The following ATP10B variants were observed in gnomAD, a reference collection of about 807,000 sequenced individuals.
ATP10B encodes the protein ATPase phospholipid transporting 10B (putative), also known as phospholipid-transporting ATPase VB.
ATP10B carries 122 observed loss-of-function variants against 141.2 expected under a neutral mutation model. The ratio of observed to expected loss-of-function variants is 0.86; its 90% CI spans 0.75 to 1.00. The LOEUF is 1.00. ATP10B is among the 50% of genes least tolerant of loss of function. ATP10B has a pLI of 0.00. For missense variants in ATP10B, 1,876 were observed against 1,825.3 expected, an observed-to-expected ratio of 1.03 and a Z score of -0.51; for synonymous variants, 685 against 692.0, an observed-to-expected ratio of 0.99 and a Z score of 0.16.
At chr5:160,829,773 A>G (rs1019865325) in intron 1 of ATP10B, among the ~76,000 whole-genome samples, 1 of 152,132 alleles carries the variant, frequency 6.6e-6, no homozygotes, top group Non-Finnish European at 1.5e-5. Context: ...TAATGTATAG[A>G]AACGCTACTG....
intron 1 of ATP10B, among the ~76,000 whole-genome samples, chr5:160,827,000 C>G (rs1320354400): frequency 6.6e-6 from 1 of 152,174 alleles, no homozygotes; most frequent in Non-Finnish European, 1.5e-5. Context: ...GCCTTTTGCC[C>G]TGGTCCTGTT....
chr5:160,683,270 C>A (rs115865229), intron 6 of ATP10B, among the ~76,000 whole-genome samples: 2,443 of 152,054 alleles, frequency 0.016, 60 homozygotes, highest in African/African-American at 0.056. Context: ...AAAAATTATC[C>A]TTCAGATTAA....
Position 160,632,276 on chromosome 5 carries a change from C to T in ATP10B, c.1473G>A (p.Gln491=), listed in dbSNP as rs1330339211. The T allele has an allele frequency of 3.1e-6, 5 of 1,614,092 alleles. No individual in the cohort carries two copies. The highest frequency in any genetic ancestry group is 3.4e-6 in the Non-Finnish European group (4 of 1,180,036). Residue 491 remains glutamine (Q), a synonymous_variant, in exon 13 of 26, where the codon CAG becomes CAA. Transcript: ENST00000327245. Reference sequence around the variant, plus strand: ...TTTGGCTTCTCATAGTTGCTGGATCCTGGGCCCATCTAGCCGAGAAGGACA... The same window carrying T: ...TTTGGCTTCTCATAGTTGCTGGATCTTGGGCCCATCTAGCCGAGAAGGACA... ...QCLSFSARWA[Q]DPATMRSQKG... is the part of the protein sequence containing the mutation.
chr5:160,585,589 G>A (rs754850481), intron 24 of ATP10B, among the ~76,000 whole-genome samples: 20 of 152,218 alleles, frequency 1.3e-4, no homozygotes, highest in South Asian at 4.1e-4. Context: ...ATGACAGAGC[G>A]AGACTTCATC....
intron 1 of ATP10B, among the ~76,000 whole-genome samples, chr5:160,841,711 G>A (rs1228279420): frequency 6.6e-6 from 1 of 151,914 alleles, no homozygotes; most frequent in Non-Finnish European, 1.5e-5. Flanking sequence ...TTTTACATAG[G>A]ATTTCTTTTT....
the ATP10B span, among the ~76,000 whole-genome samples, chr5:160,922,562 T>G: frequency 6.6e-6 from 1 of 152,214 alleles, no homozygotes; most frequent in African/African-American, 2.4e-5. Context: ...AGAGAAATAC[T>G]GAGATGTCAA....
chr5:160,624,755 C>T (rs1320244083), intron 13 of ATP10B, among the ~76,000 whole-genome samples: 1 of 152,188 alleles, frequency 6.6e-6, no homozygotes, highest in African/African-American at 2.4e-5. Context: ...TTAACTAAAA[C>T]CCATAGAGAC....
intron 1 of ATP10B, among the ~76,000 whole-genome samples, chr5:160,849,642 C>CACACACACACA (rs5872660): frequency 1.3e-5 from 2 of 151,338 alleles, no homozygotes; most frequent in Non-Finnish European, 2.9e-5. Context: ...CACACACACA[C>CACACACACACA]TCTTTTAATG....
At chr5:160,645,690 G>A (rs1760229998) in intron 8 of ATP10B, among the ~76,000 whole-genome samples, 1 of 152,166 alleles carries the variant, frequency 6.6e-6, no homozygotes, top group Non-Finnish European at 1.5e-5. Context: ...GAGATTTTCA[G>A]CAAGCTTAAA....
chr5:160,580,057 G>A (rs1353445811), intron 24 of ATP10B, among the ~76,000 whole-genome samples: 1 of 151,668 alleles, frequency 6.6e-6, no homozygotes, highest in Non-Finnish European at 1.5e-5. Flanking sequence ...CTTAAGATTT[G>A]GGGCTGAGAC....
At chr5:160,678,256 T>A (rs1018632314) in intron 6 of ATP10B, among the ~76,000 whole-genome samples, 1 of 152,174 alleles carries the variant, frequency 6.6e-6, no homozygotes, top group Non-Finnish European at 1.5e-5. Context: ...ACTAAAACTA[T>A]AGAACTAGCA....
chr5:160,901,585 C>T, the ATP10B span, among the ~76,000 whole-genome samples: 16 of 152,128 alleles, frequency 1.1e-4, 1 homozygote, highest in Admixed American at 2.6e-4. Context: ...TGAAAAGTAC[C>T]ATGAAGGGAA....
At chr5:160,778,218 A>G (rs909457474) in intron 2 of ATP10B, among the ~76,000 whole-genome samples, 1 of 152,242 alleles carries the variant, frequency 6.6e-6, no homozygotes, top group African/African-American at 2.4e-5. Flanking sequence ...TTCTTCATAA[A>G]GTATAAAACT....
chr5:160,631,275 C>T (rs998465234), intron 13 of ATP10B, among the ~76,000 whole-genome samples: 1 of 151,902 alleles, frequency 6.6e-6, no homozygotes, highest in Non-Finnish European at 1.5e-5. Flanking sequence ...AGAGTGTGTG[C>T]AAAGGAAAGA....
chr5:160,789,931 G>A (rs192940860), intron 1 of ATP10B, among the ~76,000 whole-genome samples: 200 of 152,290 alleles, frequency 1.3e-3, no homozygotes, highest in African/African-American at 4.4e-3. Flanking sequence ...TACTGTATAT[G>A]TTTGCTGAGT....
chr5:160,888,000 G>A, the ATP10B span, among the ~76,000 whole-genome samples: 7 of 152,200 alleles, frequency 4.6e-5, no homozygotes, highest in Non-Finnish European at 1.0e-4. Flanking sequence ...AGAGCAACAC[G>A]TGCAACATGG....
intron 6 of ATP10B, among the ~76,000 whole-genome samples, chr5:160,680,139 A>C (rs1474077098): frequency 6.6e-6 from 1 of 152,128 alleles, no homozygotes; most frequent in Non-Finnish European, 1.5e-5. Flanking sequence ...TGGATGATGC[A>C]TGGGCTTAGG....
intron 2 of ATP10B, among the ~76,000 whole-genome samples, chr5:160,722,847 C>T (rs1766080437): frequency 1.3e-5 from 2 of 152,182 alleles, no homozygotes; most frequent in Admixed American, 6.5e-5. Context: ...ATGAGCAACA[C>T]CTTGACAGTG....
intron 7 of ATP10B, among the ~76,000 whole-genome samples, chr5:160,669,049 C>T (rs1387404665): frequency 2.6e-5 from 4 of 152,204 alleles, no homozygotes; most frequent in African/African-American, 9.6e-5. Context: ...CTCCCAAATC[C>T]TCTGACTCAT....
Sources: gnomAD v4.1 joint callset for allele counts (sites outside exome capture counted in the v4.1 genomes callset) on GRCh38, gnomAD v4.1.1 for gene constraint, MANE v1.5 for transcripts, NCBI Gene and HGNC (gene_info 2026-07-23, HGNC 2026-07-21) for gene names.